The following GAP43 variants were observed in gnomAD, a reference collection of about 807,000 sequenced individuals.
GAP43 encodes growth associated protein 43.
GAP43 carries 6 observed loss-of-function variants against 18.6 expected under a neutral mutation model. The ratio of observed to expected loss-of-function variants is 0.32; its 90% CI spans 0.18 to 0.64. The LOEUF is 0.64. Among genes scored for constraint, GAP43 ranks in the 30% least tolerant of loss-of-function variants. The pLI, the probability that GAP43 is intolerant of heterozygous loss-of-function variation, is 0.78. For missense variants in GAP43, 292 were observed against 295.5 expected (o/e 0.99, Z 0.09); for synonymous variants, 115 against 111.4 (o/e 1.03, Z -0.20).
intron 1 of GAP43, among the ~76,000 whole-genome samples, chr3:115,629,242 A>T (rs951712176): frequency 1.3e-5 from 2 of 152,142 alleles, no homozygotes; most frequent in Non-Finnish European, 2.9e-5. Flanking sequence ...GAGTTCTACC[A>T]CCACATTGTT....
intron 2 of GAP43, among the ~76,000 whole-genome samples, chr3:115,697,620 A>G (rs966078275): frequency 6.6e-6 from 1 of 152,166 alleles, no homozygotes; most frequent in Non-Finnish European, 1.5e-5. Context: ...TCATCTTTCA[A>G]TGCAAAGGAT....
At chr3:115,690,757 C>CTTTTT (rs71616327) in intron 2 of GAP43, among the ~76,000 whole-genome samples, 66 of 110,980 alleles carry the variant, frequency 5.9e-4, no homozygotes, top group Non-Finnish European at 6.9e-4. Flanking sequence ...TTCTTTCTTT[C>CTTTTT]TTTTTTTTTT....
At chr3:115,641,084 C>T (rs1368811980) in intron 1 of GAP43, among the ~76,000 whole-genome samples, 7 of 142,248 alleles carry the variant, frequency 4.9e-5, no homozygotes, top group East Asian at 2.1e-4. Flanking sequence ...AGACTGGTCT[C>T]GAGCTCCTGG....
rs1351195176 is a variant in GAP43 at position 115,676,350 on chromosome 3, C to T, written c.368C>T (p.Ala123Val). Reference protein sequence around the residue: ...KGEGDAATEQAAPQAPASSEE... With the variant: ...KGEGDAATEQVAPQAPASSEE... ...GAGGGTGATGCTGCCACAGAGCAGGCAGCCCCCCAGGCTCCTGCATCCTCA... is the reference window on the plus strand; with the variant it reads ...GAGGGTGATGCTGCCACAGAGCAGGTAGCCCCCCAGGCTCCTGCATCCTCA... The change falls in exon 2 of 3, where the codon GCA (alanine) becomes GTA (valine). Residue 123 changes from alanine (A) to valine (V), a missense_variant. Coordinates refer to ENST00000305124, the MANE Select transcript of GAP43 (RefSeq NM_002045.4). 6.2e-7 allele frequency: 1 copy of T among 1,613,974 alleles called. No individual in the cohort carries two copies. Among genetic ancestry groups the T allele is most frequent in the African/African-American group, 1.3e-5 (1 of 74,916 alleles).
In GAP43 at chr3:115,720,850, G is replaced by T. The variant is rs199629932; in HGVS notation, c.685G>T (p.Glu229Ter). 133 of 1,612,914 alleles carry T rather than the reference G, an allele frequency of 8.2e-5. No homozygotes were observed. Among genetic ancestry groups the T allele is most frequent in the Middle Eastern group, 1.7e-4 (1 of 6,046 alleles). ...ESARQDEGKEEEPEADQEHA is the reference protein window; with the variant it reads ...ESARQDEGKE The stretch of plus-strand genomic sequence containing the variant: ...TGCCCGGCAGGACGAGGGTAAAGAA[G>T]AGGAACCTGAGGCTGACCAAGAACA... Residue 229 changes from glutamate to a stop codon, truncating the protein, a stop_gained, in exon 3 of 3, where the codon GAG becomes TAG. Transcript: ENST00000305124. LOFTEE classifies it high-confidence loss of function.
At chr3:115,683,927 C>T (rs931820662) in intron 2 of GAP43, among the ~76,000 whole-genome samples, 2 of 151,816 alleles carry the variant, frequency 1.3e-5, no homozygotes, top group East Asian at 1.9e-4. Context: ...TTGAACGTCC[C>T]GAGAAAAGGT....
At chr3:115,667,723 T>C (rs1051572528) in intron 1 of GAP43, among the ~76,000 whole-genome samples, 3 of 152,144 alleles carry the variant, frequency 2.0e-5, no homozygotes, top group Non-Finnish European at 4.4e-5. Context: ...TACAGGGGTT[T>C]GTCTGCTGGT....
intron 2 of GAP43, among the ~76,000 whole-genome samples, chr3:115,717,603 C>A (rs1418084774): frequency 1.3e-5 from 2 of 152,016 alleles, no homozygotes; most frequent in African/African-American, 4.8e-5. Context: ...GCCACCGCAC[C>A]CAGCCTGAAT....
intron 2 of GAP43, among the ~76,000 whole-genome samples, chr3:115,687,259 G>T (rs1156565526): frequency 6.6e-6 from 1 of 152,068 alleles, no homozygotes; most frequent in Non-Finnish European, 1.5e-5. Flanking sequence ...AATGCCAATC[G>T]ATCTCATTTA....
rs549108259 is a variant in GAP43 at position 115,672,389 on chromosome 3, T to C, written c.31-3624T>C. Among the ~76,000 whole-genome samples the C allele has an allele frequency of 1.7e-4, 26 of 152,308 alleles. No individual in the cohort carries two copies. In the East Asian group the frequency reaches 5.0e-3, roughly 29 times the overall value. ...AAGCGTTCTCAGAACCTGGGGTTAC[T>C]CCACATAGCCAGTTTTGGGAAATGT... On this transcript the variant is annotated intron_variant, in intron 1 of 2. Transcript: ENST00000305124.
At chr3:115,655,318 C>T (rs1238045389) in intron 1 of GAP43, among the ~76,000 whole-genome samples, 2 of 152,154 alleles carry the variant, frequency 1.3e-5, no homozygotes, top group African/African-American at 2.4e-5. Flanking sequence ...ACCTTGGACA[C>T]AAGAATTAGA....
intron 1 of GAP43, among the ~76,000 whole-genome samples, chr3:115,643,151 C>G (rs1708418285): frequency 6.6e-6 from 1 of 152,054 alleles, no homozygotes; most frequent in South Asian, 2.1e-4. Context: ...AGAGGCTCAT[C>G]ATTTGCAAGG....
chr3:115,632,143 G>A (rs1708267130), intron 1 of GAP43, among the ~76,000 whole-genome samples: 1 of 151,682 alleles, frequency 6.6e-6, no homozygotes, highest in Non-Finnish European at 1.5e-5. Context: ...TGCTAAGTTT[G>A]CTGCCTCCCC....
At chr3:115,681,807 T>C (rs899247851) in intron 2 of GAP43, among the ~76,000 whole-genome samples, 1 of 152,182 alleles carries the variant, frequency 6.6e-6, no homozygotes, top group African/African-American at 2.4e-5. Flanking sequence ...AGTAGTGTAA[T>C]TTTCCCTTCC....
intron 2 of GAP43, among the ~76,000 whole-genome samples, chr3:115,697,979 A>ATG (rs1456232153): frequency 1.6e-4 from 3 of 19,160 alleles, no homozygotes; most frequent in South Asian, 4.6e-3. Flanking sequence ...CACAGAGTAC[A>ATG]TGTGCGTGTG....
chr3:115,704,551 C>T (rs544801303), intron 2 of GAP43, among the ~76,000 whole-genome samples: 1 of 152,168 alleles, frequency 6.6e-6, no homozygotes, highest in South Asian at 2.1e-4. Flanking sequence ...TTCTGCAAGC[C>T]TCCAGAGTAT....
chr3:115,696,575 A>ACCCC (rs1451962895), intron 2 of GAP43, among the ~76,000 whole-genome samples: 2 of 32,718 alleles, frequency 6.1e-5, no homozygotes, highest in African/African-American at 1.3e-4. Context: ...GCTGCCCCCC[A>ACCCC]CCGCCCCCCC....
At chr3:115,670,840 C>T (rs539889436) in intron 1 of GAP43, among the ~76,000 whole-genome samples, 41 of 152,276 alleles carry the variant, frequency 2.7e-4, no homozygotes, top group Admixed American at 4.6e-4. Flanking sequence ...TAGGATATCT[C>T]CGGCCTTTCA....
chr3:115,713,974 G>C (rs1384328221), intron 2 of GAP43, among the ~76,000 whole-genome samples: 1 of 152,178 alleles, frequency 6.6e-6, no homozygotes, highest in Non-Finnish European at 1.5e-5. Flanking sequence ...CCTTAGGGCT[G>C]AGTGCTTCTT....
Sources: gnomAD v4.1 joint callset for allele counts (sites outside exome capture counted in the v4.1 genomes callset) on GRCh38, gnomAD v4.1.1 for gene constraint, MANE v1.5 for transcripts, NCBI Gene and HGNC (gene_info 2026-07-23, HGNC 2026-07-21) for gene names.